The following KANK1 variants were observed in gnomAD, a reference collection of about 807,000 sequenced individuals.
KANK1 encodes the protein KN motif and ankyrin repeat domains 1.
In KANK1, 109 loss-of-function variants were observed where a neutral mutation model predicts 106.2. The observed-to-expected ratio is 1.03, with a 90% CI of 0.88 to 1.20. KANK1 has a LOEUF of 1.20. Among genes scored for constraint, KANK1 ranks in the 50% most tolerant of loss-of-function variants. The pLI is 0.00. For synonymous variants in KANK1, 873 were observed against 652.2 expected (o/e 1.34, Z -5.16); for missense variants, 2,399 against 1,710.7 (o/e 1.40, Z -7.10).
intron 1 of KANK1, among the ~76,000 whole-genome samples, chr9:537,326 G>T (rs1029642063): frequency 3.9e-5 from 6 of 152,174 alleles, no homozygotes; most frequent in Non-Finnish European, 8.8e-5. Context: ...CTTGGAATTT[G>T]ATACCAGTTC....
At chr9:725,516 T>A (rs1466797705) in intron 3 of KANK1, among the ~76,000 whole-genome samples, 5 of 126,002 alleles carry the variant, frequency 4.0e-5, no homozygotes, top group South Asian at 5.2e-4. Context: ...AAAAAAAAAA[T>A]TTAGATGATC....
chr9:562,042 CTTTTTTTTTTT>C (rs34419752), intron 1 of KANK1, among the ~76,000 whole-genome samples: 4 of 104,932 alleles, frequency 3.8e-5, no homozygotes, highest in South Asian at 3.3e-4. Context: ...ATTGCATTTT[CTTTTTTTTTTT>C]TTTTTTTTTT....
At chr9:481,656 G>A (rs1384635763) in intron 3 of KANK1, among the ~76,000 whole-genome samples, 5 of 152,036 alleles carry the variant, frequency 3.3e-5, no homozygotes, top group Non-Finnish European at 5.9e-5. Context: ...TGATCTAGAT[G>A]GGTTCAGAAA....
chr9:685,212 C>T (rs552887117), intron 2 of KANK1, among the ~76,000 whole-genome samples: 19 of 152,274 alleles, frequency 1.2e-4, no homozygotes, highest in African/African-American at 4.6e-4. Flanking sequence ...TTTTGAAATG[C>T]GGCCCATTTG....
chr9:671,612 T>G (rs1456315953), intron 1 of KANK1, among the ~76,000 whole-genome samples: 2 of 31,022 alleles, frequency 6.4e-5, no homozygotes, highest in Non-Finnish European at 5.2e-5. Context: ...CGAAACTCCG[T>G]CTCAAAAAAA....
intron 3 of KANK1, among the ~76,000 whole-genome samples, chr9:729,000 G>A (rs1460017213): frequency 1.3e-5 from 2 of 152,206 alleles, no homozygotes; most frequent in African/African-American, 4.8e-5. Context: ...TTGGGCACAT[G>A]TTGTCAGGAC....
chr9:475,598 C>T (rs1024214402), intron 3 of KANK1, among the ~76,000 whole-genome samples: 2 of 152,190 alleles, frequency 1.3e-5, no homozygotes, highest in African/African-American at 4.8e-5. Context: ...CAAAAATTCT[C>T]ATCAGATGGG....
At chr9:621,226 T>C (rs773412211) in intron 1 of KANK1, among the ~76,000 whole-genome samples, 2 of 152,170 alleles carry the variant, frequency 1.3e-5, no homozygotes, top group African/African-American at 2.4e-5. Flanking sequence ...AACATACATA[T>C]TGGTTAATAA....
At chr9:622,443 T>C (rs1833366722) in intron 1 of KANK1, among the ~76,000 whole-genome samples, 1 of 152,138 alleles carries the variant, frequency 6.6e-6, no homozygotes, top group Admixed American at 6.5e-5. Context: ...AGTACGTACC[T>C]GGAGGATTGC....
intron 1 of KANK1, among the ~76,000 whole-genome samples, chr9:550,248 A>G (rs1333971984): frequency 6.6e-6 from 1 of 151,728 alleles, no homozygotes; most frequent in African/African-American, 2.4e-5. Context: ...ATTGTTTTGG[A>G]TATTGGTAAT....
chr9:501,082 A>G (rs936757320), upstream of KANK1, among the ~76,000 whole-genome samples: 23 of 151,976 alleles, frequency 1.5e-4, no homozygotes, highest in African/African-American at 4.6e-4. Flanking sequence ...GAAAAAAGAA[A>G]AAAAAAACCA....
In KANK1 at chr9:592,607, C is replaced by G. The variant is rs567758178; in HGVS notation, c.-83-84283C>G. 6.6e-5 allele frequency among the ~76,000 whole-genome samples: 10 copies of G among 152,050 alleles called. No individual in the cohort carries two copies. In the South Asian group the frequency reaches 1.7e-3, roughly 25 times the overall value. On this transcript the variant is annotated intron_variant, in intron 1 of 11. Coordinates refer to ENST00000382297, the MANE Select transcript of KANK1 (RefSeq NM_015158.5). ...GAAGAAATGAATCAATATTACATCT[C>G]TAACCACAAGATTGCACAGGCATTT...
Position 711,367 on chromosome 9 carries a change from G to C in KANK1, c.601G>C (p.Gly201Arg), listed in dbSNP as rs759878141. The change falls in exon 3 of 12, where the codon GGT (glycine) becomes CGT (arginine). Residue 201 changes from glycine to arginine, a missense_variant. By Grantham distance (125) the Gly-to-Arg change is moderately radical. Transcript: ENST00000382297. ...GTTSSLPSFV[G>R]SGNHNPAKHQ... ...CACAAGCTCCCTCCCTTCTTTTGTG[G>C]GTTCTGGAAACCACAATCCTGCCAA... 1 of 1,614,126 alleles carries C rather than the reference G, an allele frequency of 6.2e-7. No individual in the cohort carries two copies. The highest frequency in any genetic ancestry group is 1.3e-5 in the African/African-American group (1 of 75,012).
chr9:645,889 C>G (rs756778729), intron 1 of KANK1, among the ~76,000 whole-genome samples: 8 of 150,780 alleles, frequency 5.3e-5, no homozygotes, highest in Non-Finnish European at 1.0e-4. Flanking sequence ...GTCTATACAA[C>G]AAAAACAAAG....
At chr9:739,549 C>T (rs1402591298) in intron 8 of KANK1, among the ~76,000 whole-genome samples, 1 of 152,202 alleles carries the variant, frequency 6.6e-6, no homozygotes, top group Non-Finnish European at 1.5e-5. Flanking sequence ...CAAGCCCCTC[C>T]TCTTCAGGCT....
intron 1 of KANK1, among the ~76,000 whole-genome samples, chr9:556,628 C>T (rs562628671): frequency 6.6e-6 from 1 of 152,158 alleles, no homozygotes; most frequent in African/African-American, 2.4e-5. Flanking sequence ...AGTCCTTGTT[C>T]CATTAAGATA....
intron 1 of KANK1, among the ~76,000 whole-genome samples, chr9:590,641 T>C (rs1163597961): frequency 5.5e-5 from 3 of 54,146 alleles, no homozygotes; most frequent in Non-Finnish European, 1.6e-4. Context: ...CTTCCGGAGA[T>C]TTTTTTTTTT....
chr9:635,480 G>A (rs1324589929), intron 1 of KANK1, among the ~76,000 whole-genome samples: 1 of 152,030 alleles, frequency 6.6e-6, no homozygotes, highest in African/African-American at 2.4e-5. Flanking sequence ...TCCCCAAAAT[G>A]CTAAGACTAA....
At chr9:529,914 A>G (rs1587547084) in intron 1 of KANK1, among the ~76,000 whole-genome samples, 1 of 152,346 alleles carries the variant, frequency 6.6e-6, no homozygotes. Context: ...GCATGAAAGC[A>G]CTTGTTTCTT....
Sources: gnomAD v4.1 joint callset for allele counts (sites outside exome capture counted in the v4.1 genomes callset) on GRCh38, gnomAD v4.1.1 for gene constraint, MANE v1.5 for transcripts, NCBI Gene and HGNC (gene_info 2026-07-23, HGNC 2026-07-21) for gene names.